SNED1: variants seen among roughly 807,000 people sequenced by gnomAD.
SNED1 encodes the protein sushi, nidogen and EGF-like domain-containing protein 1.
In SNED1, 81 loss-of-function variants were observed where a neutral mutation model predicts 166.7. That is an observed-to-expected ratio of 0.49 (90% confidence interval 0.41 to 0.58). SNED1 has a LOEUF of 0.58. Ranked by LOEUF, SNED1 falls within the 20% of genes least tolerant of loss-of-function variation. SNED1 has a pLI of 0.00. For synonymous variants in SNED1, 762 were observed against 822.0 expected, an observed-to-expected ratio of 0.93 and a Z score of 1.25; for missense variants, 1,604 against 2,000.2, an observed-to-expected ratio of 0.80 and a Z score of 3.78.
intron 2 of SNED1, among the ~76,000 whole-genome samples, chr2:241,031,204 G>A (rs971391254): frequency 7.3e-5 from 11 of 151,552 alleles, no homozygotes; most frequent in African/African-American, 9.7e-5. Flanking sequence ...TTGCTCTGTC[G>A]CCCAGGCTGG....
intron 16 of SNED1, among the ~76,000 whole-genome samples, chr2:241,060,711 G>A (rs1372318961): frequency 6.6e-6 from 1 of 152,138 alleles, no homozygotes; most frequent in Non-Finnish European, 1.5e-5. Context: ...GGGAGGCCAA[G>A]ACAGGAGTTT....
intron 1 of SNED1, among the ~76,000 whole-genome samples, chr2:241,006,073 G>A (rs2060213448): frequency 6.6e-6 from 1 of 152,000 alleles, no homozygotes; most frequent in African/African-American, 2.4e-5. Context: ...TGAGAATGAG[G>A]CTTTGTTATT....
chr2:241,037,128 T>C, intron 5 of SNED1, 112 bp from the exon 6 acceptor site: 1 of 1,074,736 alleles, frequency 9.3e-7, no homozygotes, highest in Non-Finnish European at 1.4e-6. Context: ...CTGCCCTCTC[T>C]GAGCCAATCT....
intron 1 of SNED1, among the ~76,000 whole-genome samples, chr2:241,003,121 C>G (rs796607015): frequency 6.8e-6 from 1 of 147,066 alleles, no homozygotes; most frequent in African/African-American, 2.5e-5. Context: ...CCTCCGCCCT[C>G]CCCCGGGCCC....
intron 12 of SNED1, 110 bp downstream of exon 12, chr2:241,050,043 C>A: frequency 1.3e-6 from 1 of 792,650 alleles, no homozygotes; most frequent in Non-Finnish European, 2.2e-6. Flanking sequence ...TTGCTGACCT[C>A]GTCTAGAGCC....
chr2:241,020,168 C>T (rs1003726272), intron 1 of SNED1, among the ~76,000 whole-genome samples: 3 of 152,268 alleles, frequency 2.0e-5, no homozygotes, highest in East Asian at 1.9e-4. Context: ...GAAATATTTG[C>T]GATCTGGCCC....
chr2:241,041,654 C>T (rs1336444216), intron 8 of SNED1, among the ~76,000 whole-genome samples: 2 of 152,016 alleles, frequency 1.3e-5, no homozygotes, highest in Non-Finnish European at 2.9e-5. Context: ...CACTGCACTC[C>T]ACCCTGGGTA....
At chr2:241,089,431 T>C (rs1320712854) in intron 31 of SNED1, 5 of 1,549,222 alleles carry the variant, frequency 3.2e-6, no homozygotes, top group Non-Finnish European at 4.4e-6. Context: ...AAACAGCTTT[T>C]CAGATATAGG....
chr2:241,003,204 GC>G (rs1461952591), intron 1 of SNED1, among the ~76,000 whole-genome samples: 2 of 148,200 alleles, frequency 1.3e-5, no homozygotes, highest in Non-Finnish European at 3.0e-5. Flanking sequence ...CAGCTGGGTT[GC>G]TCCTTAGTTT....
In SNED1 at chr2:241,067,619, G is replaced by C. The variant is rs532984251; in HGVS notation, c.3011-145G>C. On this transcript the variant is annotated intron_variant, in intron 21 of 31. Transcript: ENST00000310397. ...AGCCTGGGCATCCCACTCAGCCCGA[G>C]TTCCCTGAGCAGTTGATGGGACACC... 4 of 614,252 alleles carry C rather than the reference G, an allele frequency of 6.5e-6. No individual in the cohort carries two copies. In the Admixed American group the frequency reaches 1.2e-4, roughly 18 times the overall value. The allele number at this position is 614,252 out of a possible 1,614,324, so 38.1% of individuals were successfully genotyped here. A position where few individuals can be genotyped will look rare whatever the true frequency, so the allele number is the denominator to read the frequency against.
chr2:241,053,102 A>C, intron 15 of SNED1, 51 bp from the exon 16 acceptor site: 1 of 1,550,086 alleles, frequency 6.5e-7, no homozygotes, highest in African/African-American at 1.4e-5. Context: ...GGCGGTGGGG[A>C]GGGGCCAGGA....
rs533842636 is a variant in SNED1 at position 241,029,740 on chromosome 2, G to A, written c.214-544G>A. Among the ~76,000 whole-genome samples, 261 of 152,338 alleles carry A rather than the reference G, an allele frequency of 1.7e-3. 1 individual carries two copies. The highest frequency in any genetic ancestry group is 6.0e-3 in the African/African-American group (250 of 41,576). The stretch of plus-strand genomic sequence containing the variant: ...TGGGGCTCCCCGCTGCCTGGAGGCC[G>A]AGCACAGGCTCCCCTACTTGGCCCC... On this transcript the variant is annotated intron_variant, in intron 1 of 31. Transcript: ENST00000310397.
intron 26 of SNED1, chr2:241,072,558 G>A (rs1310842642): frequency 1.3e-5 from 4 of 296,808 alleles, no homozygotes; most frequent in South Asian, 5.9e-5. Context: ...TAATGAACAC[G>A]CTCTGAGCAA....
intron 3 of SNED1, among the ~76,000 whole-genome samples, chr2:241,034,258 G>A (rs1002944159): frequency 6.6e-6 from 1 of 152,216 alleles, no homozygotes; most frequent in African/African-American, 2.4e-5. Flanking sequence ...CAGGGTCAGT[G>A]CTCCCCAGGC....
chr2:241,018,476 C>T lies in SNED1; in HGVS notation c.214-11808C>T, dbSNP rs1426459280. Reference sequence around the variant, plus strand: ...AAAGAACATTCGTTGTTCACTCAGCCCCCTGCACGTCCCGGGGTCTAAGGT... The same window carrying T: ...AAAGAACATTCGTTGTTCACTCAGCTCCCTGCACGTCCCGGGGTCTAAGGT... On this transcript the variant is annotated intron_variant, in intron 1 of 31. Coordinates refer to ENST00000310397, the MANE Select transcript of SNED1 (RefSeq NM_001080437.3). The surrounding 1 kb of genome is among the most constrained non-coding windows in gnomAD (Gnocchi z 5.4). Among the ~76,000 whole-genome samples, 1 of 152,134 alleles carries T rather than the reference C, an allele frequency of 6.6e-6. No individual in the cohort carries two copies. The highest frequency in any genetic ancestry group is 1.5e-5 in the Non-Finnish European group (1 of 68,030).
At chr2:241,052,190 CA>C in intron 14 of SNED1, 33 bp downstream of exon 14, 1 of 1,575,250 alleles carries the variant, frequency 6.3e-7, no homozygotes, top group Non-Finnish European at 8.7e-7. Context: ...CCAGGGCGGC[CA>C]GGGGTGAACC....
chr2:241,036,953 G>C, intron 5 of SNED1, 38 bp downstream of exon 5: 2 of 1,581,604 alleles, frequency 1.3e-6, no homozygotes, highest in Non-Finnish European at 1.7e-6. Context: ...CCCGCTGGCT[G>C]CGCTGGGCTC....
chr2:241,064,844 T>C lies in SNED1; in HGVS notation c.2600T>C (p.Val867Ala), dbSNP rs2062374187. 5.1e-6 allele frequency: 8 copies of C among 1,583,492 alleles called. No individual in the cohort carries two copies. Among genetic ancestry groups the C allele is most frequent in the Non-Finnish European group, 6.8e-6 (8 of 1,170,052 alleles). Residue 867 changes from valine to alanine, a missense_variant and splice_region_variant, in exon 20 of 32, where the codon GTG (valine) becomes GCG (alanine). Transcript: ENST00000310397. This position sits in a 1 kb window ranked among gnomAD's most constrained non-coding sequence, Gnocchi z 7.0. ...ESFFGYHCET[V>A]SDPCFSSPCG... Reference sequence around the variant, plus strand: ...ACACTGCCACTTTTTCTCCCCTCAGTGAGTGACCCCTGCTTCTCCAGCCCC... The same window carrying C: ...ACACTGCCACTTTTTCTCCCCTCAGCGAGTGACCCCTGCTTCTCCAGCCCC...
At chr2:241,071,530 C>G in intron 24 of SNED1, 46 bp from the exon 25 acceptor site, 2 of 1,554,542 alleles carry the variant, frequency 1.3e-6, no homozygotes, top group African/African-American at 1.4e-5. Context: ...GGGACAGGAG[C>G]AGAGGGCAGC....
Sources: allele counts gnomAD v4.1 joint callset (sites outside exome capture counted in the v4.1 genomes callset), GRCh38; gene constraint gnomAD v4.1.1; non-coding constraint Gnocchi (gnomAD v3.1); transcripts MANE v1.5; gene names NCBI Gene and HGNC (gene_info 2026-07-23, HGNC 2026-07-21).